SORCS1: variants seen among roughly 807,000 people sequenced by gnomAD.
SORCS1 encodes the protein VPS10 domain-containing receptor SorCS1.
Under a neutral mutation model 146.1 loss-of-function variants are expected in SORCS1, and 60 were observed. The ratio of observed to expected loss-of-function variants is 0.41; its 90% CI spans 0.33 to 0.51. SORCS1 has a LOEUF of 0.51. SORCS1 is among the 20% of genes least tolerant of loss of function. The pLI, the probability that SORCS1 is intolerant of heterozygous loss-of-function variation, is 0.21. For synonymous variants in SORCS1, 637 were observed against 584.0 expected (o/e 1.09, Z -1.31); for missense variants, 1,352 against 1,487.6 (o/e 0.91, Z 1.50).
chr10:106,757,547 G>A (rs1858742267), intron 5 of SORCS1, among the ~76,000 whole-genome samples: 1 of 152,172 alleles, frequency 6.6e-6, no homozygotes, highest in Non-Finnish European at 1.5e-5. Context: ...AGAAAATACA[G>A]ACCATGTGGG....
At chr10:106,880,110 A>T (rs1201654410) in intron 2 of SORCS1, among the ~76,000 whole-genome samples, 1 of 152,226 alleles carries the variant, frequency 6.6e-6, no homozygotes, top group African/African-American at 2.4e-5. Flanking sequence ...CCTGGAACGC[A>T]AAGTGTTCAC....
intron 1 of SORCS1, among the ~76,000 whole-genome samples, chr10:107,068,366 C>T (rs1306703704): frequency 3.3e-5 from 5 of 152,126 alleles, no homozygotes; most frequent in African/African-American, 1.2e-4. Flanking sequence ...CAAGGGGGAA[C>T]AACAGACTAA....
chr10:107,151,736 G>C (rs1294129977), intron 1 of SORCS1, among the ~76,000 whole-genome samples: 1 of 152,154 alleles, frequency 6.6e-6, no homozygotes. Flanking sequence ...GTGGCATTTT[G>C]CCCCTGCCCT....
intron 3 of SORCS1, among the ~76,000 whole-genome samples, chr10:106,794,522 A>G (rs1329008333): frequency 1.1e-4 from 10 of 91,238 alleles, no homozygotes; most frequent in Non-Finnish European, 1.1e-4. Flanking sequence ...TTTTTTTTTG[A>G]GACAGAGTCT....
chr10:106,655,455 C>G (rs1049797679), intron 17 of SORCS1, among the ~76,000 whole-genome samples: 1 of 152,060 alleles, frequency 6.6e-6, no homozygotes, highest in East Asian at 1.9e-4. Flanking sequence ...CCAAGCACAC[C>G]TGTGATTCTC....
At chr10:106,981,013 A>G (rs767291974) in intron 1 of SORCS1, among the ~76,000 whole-genome samples, 32 of 152,064 alleles carry the variant, frequency 2.1e-4, no homozygotes, top group Non-Finnish European at 4.1e-4. Context: ...CAACTGGGTG[A>G]CACAATGCAA....
chr10:106,942,866 T>G (rs1314781054), intron 2 of SORCS1, among the ~76,000 whole-genome samples: 1 of 152,206 alleles, frequency 6.6e-6, no homozygotes, highest in East Asian at 1.9e-4. Context: ...TTCACTGATT[T>G]CTCCCTGGGA....
At chr10:107,067,499 G>A (rs951231885) in intron 1 of SORCS1, among the ~76,000 whole-genome samples, 4 of 152,112 alleles carry the variant, frequency 2.6e-5, no homozygotes, top group African/African-American at 9.7e-5. Flanking sequence ...GGTGTAATTG[G>A]TGTAATTTTT....
intron 17 of SORCS1, among the ~76,000 whole-genome samples, chr10:106,662,481 C>G (rs1850805853): frequency 6.6e-6 from 1 of 152,096 alleles, no homozygotes; most frequent in Non-Finnish European, 1.5e-5. Flanking sequence ...AAATGAGGTG[C>G]CCAGGGAGCA....
At chr10:106,966,172 T>C (rs1955486555) in intron 1 of SORCS1, among the ~76,000 whole-genome samples, 1 of 152,198 alleles carries the variant, frequency 6.6e-6, no homozygotes, top group Admixed American at 6.5e-5. Flanking sequence ...AATTACACTC[T>C]TTTTGAGTTA....
intron 10 of SORCS1, among the ~76,000 whole-genome samples, chr10:106,681,964 C>T (rs983545302): frequency 1.8e-4 from 27 of 152,000 alleles, no homozygotes; most frequent in African/African-American, 6.5e-4. Flanking sequence ...CCTGTCTCTA[C>T]TAAAAATACA....
intron 1 of SORCS1, among the ~76,000 whole-genome samples, chr10:106,972,380 CAA>C (rs35202189): frequency 0.035 from 3,279 of 94,044 alleles, 40 homozygotes; most frequent in South Asian, 0.059. Context: ...GACTCTGTCT[CAA>C]AAAAAAAAAA....
chr10:107,177,148 T>C, the SORCS1 span, among the ~76,000 whole-genome samples: 1 of 152,154 alleles, frequency 6.6e-6, no homozygotes, highest in African/African-American at 2.4e-5. Context: ...TAATATAGTT[T>C]TGCCTTTTTT....
chr10:107,039,332 GAAAAA>G (rs58915918), intron 1 of SORCS1, among the ~76,000 whole-genome samples: 4 of 109,938 alleles, frequency 3.6e-5, no homozygotes, highest in Non-Finnish European at 1.8e-5. Flanking sequence ...CTCAAATAAA[GAAAAA>G]AAAAAAAAAA....
chr10:106,705,926 C>T (rs1854484569), intron 8 of SORCS1, among the ~76,000 whole-genome samples: 1 of 152,144 alleles, frequency 6.6e-6, no homozygotes, highest in Non-Finnish European at 1.5e-5. Context: ...TAAAGACAAC[C>T]AGTCTCATAA....
intron 1 of SORCS1, among the ~76,000 whole-genome samples, chr10:106,966,476 A>G (rs1271734327): frequency 6.6e-6 from 1 of 152,216 alleles, no homozygotes; most frequent in Non-Finnish European, 1.5e-5. Context: ...GTAGCAGCCC[A>G]CACATAATTT....
chr10:106,918,115 T>C (rs1454429125), intron 2 of SORCS1, among the ~76,000 whole-genome samples: 1 of 152,210 alleles, frequency 6.6e-6, no homozygotes, highest in African/African-American at 2.4e-5. Flanking sequence ...CCTGTTTTAC[T>C]GAAGTGCCTT....
chr10:106,982,071 G>A (rs1266642028), intron 1 of SORCS1, among the ~76,000 whole-genome samples: 1 of 152,170 alleles, frequency 6.6e-6, no homozygotes, highest in Non-Finnish European at 1.5e-5. Flanking sequence ...AATTATTTCT[G>A]TTAAGGATTT....
chr10:106,913,814 G>A (rs1952280163), intron 2 of SORCS1, among the ~76,000 whole-genome samples: 1 of 152,190 alleles, frequency 6.6e-6, no homozygotes, highest in African/African-American at 2.4e-5. Flanking sequence ...GGTGGCCATT[G>A]GAACTGGGCA....
Sources: allele counts gnomAD v4.1 joint callset (sites outside exome capture counted in the v4.1 genomes callset), GRCh38; gene constraint gnomAD v4.1.1; transcripts MANE v1.5; gene names NCBI Gene and HGNC (gene_info 2026-07-23, HGNC 2026-07-21).